CPS1: variants seen among roughly 807,000 people sequenced by gnomAD.
CPS1 encodes carbamoyl-phosphate synthase 1, also known as carbamoyl-phosphate synthase [ammonia], mitochondrial.
A neutral mutation model predicts 174.6 loss-of-function variants in CPS1; 109 were observed. The observed-to-expected ratio is 0.62, with a 90% CI of 0.53 to 0.73. CPS1 has a LOEUF of 0.73. Ranked by LOEUF, CPS1 falls within the 30% of genes least tolerant of loss-of-function variation. CPS1 has a pLI of 0.00. For synonymous variants in CPS1, 637 were observed against 632.0 expected, an observed-to-expected ratio of 1.01 and a Z score of -0.12; for missense variants, 1,689 against 1,821.9, an observed-to-expected ratio of 0.93 and a Z score of 1.33.
chr2:210,535,527 A>G (rs1476724812), intron 1 of CPS1, among the ~76,000 whole-genome samples: 1 of 152,150 alleles, frequency 6.6e-6, no homozygotes, highest in Non-Finnish European at 1.5e-5. Flanking sequence ...CCTTTTCACA[A>G]TAATACCAGA....
At chr2:210,508,266 T>A (rs1695345733) in intron 1 of CPS1, among the ~76,000 whole-genome samples, 1 of 151,818 alleles carries the variant, frequency 6.6e-6, no homozygotes, top group African/African-American at 2.4e-5. Context: ...AACAACCTGC[T>A]CCTGAGTGAC....
chr2:210,625,986 T>C (rs1235457715), intron 21 of CPS1, among the ~76,000 whole-genome samples: 1 of 152,128 alleles, frequency 6.6e-6, no homozygotes, highest in African/African-American at 2.4e-5. Context: ...CCACACAGTC[T>C]TACTTCATTG....
intron 1 of CPS1, among the ~76,000 whole-genome samples, chr2:210,526,976 T>C (rs542587429): frequency 2.4e-4 from 37 of 152,026 alleles, no homozygotes; most frequent in African/African-American, 7.2e-4. Flanking sequence ...TGCAGAAATA[T>C]TACGTTGGTG....
At chr2:210,494,945 T>C (rs1475251755) in intron 1 of CPS1, among the ~76,000 whole-genome samples, 1 of 152,136 alleles carries the variant, frequency 6.6e-6, no homozygotes, top group African/African-American at 2.4e-5. Context: ...GGCTGCACAT[T>C]ATAATAACCT....
intron 21 of CPS1, among the ~76,000 whole-genome samples, chr2:210,632,148 T>TA (rs1361551697): frequency 6.6e-6 from 1 of 152,206 alleles, no homozygotes; most frequent in African/African-American, 2.4e-5. Flanking sequence ...AAAAATGTTA[T>TA]AGCCTTGTTT....
intron 1 of CPS1, among the ~76,000 whole-genome samples, chr2:210,477,985 A>G (rs1355271425): frequency 4.6e-5 from 7 of 152,214 alleles, no homozygotes. Flanking sequence ...GTATGCCTCT[A>G]TCTTATTTTA....
At chr2:210,497,642 G>A (rs947313820) in intron 1 of CPS1, among the ~76,000 whole-genome samples, 1 of 151,932 alleles carries the variant, frequency 6.6e-6, no homozygotes, top group African/African-American at 2.4e-5. Flanking sequence ...AGAACATGCA[G>A]TATTTGGTGT....
chr2:210,513,539 T>G (rs1055652667), intron 1 of CPS1, among the ~76,000 whole-genome samples: 10 of 151,880 alleles, frequency 6.6e-5, no homozygotes, highest in Non-Finnish European at 1.5e-4. Flanking sequence ...TGGGGTTAAG[T>G]TGGTTTTTGC....
chr2:210,614,670 G>A (rs1699241527), intron 20 of CPS1, among the ~76,000 whole-genome samples: 1 of 151,924 alleles, frequency 6.6e-6, no homozygotes, highest in African/African-American at 2.4e-5. Context: ...GCTTTTAAAT[G>A]TGGCACATAT....
chr2:210,580,858 C>CAAAAAAAA (rs369186272), intron 5 of CPS1, among the ~76,000 whole-genome samples: 1 of 95,318 alleles, frequency 1.0e-5, no homozygotes, highest in African/African-American at 3.7e-5. Context: ...GACCCTGTCT[C>CAAAAAAAA]AAAAAAAAAA....
intron 1 of CPS1, among the ~76,000 whole-genome samples, chr2:210,505,630 C>T (rs1439315784): frequency 6.6e-6 from 1 of 152,178 alleles, no homozygotes; most frequent in African/African-American, 2.4e-5. Context: ...AGGGAATTCC[C>T]TTTCTTAGCC....
At chr2:210,525,684 G>A (rs1695952729) in intron 1 of CPS1, among the ~76,000 whole-genome samples, 3 of 151,468 alleles carry the variant, frequency 2.0e-5, no homozygotes, top group South Asian at 2.1e-4. Flanking sequence ...TGAGTCGTTT[G>A]GAGATGTCAT....
chr2:210,558,994 A>T (rs916878037), intron 1 of CPS1, among the ~76,000 whole-genome samples: 7 of 152,236 alleles, frequency 4.6e-5, no homozygotes, highest in Non-Finnish European at 1.0e-4. Context: ...GAACTTCACA[A>T]TAGTGAATTA....
At chr2:210,650,534 G>T in intron 28 of CPS1, 96 bp downstream of exon 28, 2 of 915,962 alleles carry the variant, frequency 2.2e-6, no homozygotes, top group Non-Finnish European at 3.6e-6. Context: ...ATCTCTTAAT[G>T]CAACCTTACT....
intron 16 of CPS1, 149 bp from the exon 17 acceptor site, chr2:210,604,953 C>T (rs1698853561): frequency 6.5e-6 from 5 of 764,612 alleles, no homozygotes; most frequent in Admixed American, 4.3e-5. Flanking sequence ...GATTTTCTGA[C>T]ACATTGTGCC....
rs1253024345 is a variant in CPS1, at chr2:210,537,841, C to A, written c.4-18878C>A. 2.6e-5 allele frequency among the ~76,000 whole-genome samples: 4 copies of A among 152,124 alleles called. No individual in the cohort carries two copies. The East Asian group carries it at 7.7e-4, about 29-fold the overall frequency. ...CTGTTTCCTCTTCCATACTACTCCC[C>A]AGTGCTACTAATATTTTAAGGCTAA... is the stretch of plus-strand genomic sequence containing the variant. On this transcript the variant is annotated intron_variant, in intron 1 of 38. Transcript: ENST00000430249.
chr2:210,645,330 CA>C (rs773683525), intron 25 of CPS1, among the ~76,000 whole-genome samples: 74 of 141,298 alleles, frequency 5.2e-4, no homozygotes, highest in Non-Finnish European at 6.8e-4. Flanking sequence ...TACTACTTTC[CA>C]AAAAAAAAAA....
At chr2:210,673,244 CG>C (rs1345347861) in intron 34 of CPS1, 2 of 152,168 alleles carry the variant, frequency 1.3e-5, no homozygotes, top group African/African-American at 2.4e-5. Flanking sequence ...ATTTTAAATA[CG>C]CCAGCTCAGT....
chr2:210,559,398 T>C (rs1697026613), intron 1 of CPS1, among the ~76,000 whole-genome samples: 1 of 152,174 alleles, frequency 6.6e-6, no homozygotes, highest in Admixed American at 6.6e-5. Context: ...ACGACAGCAA[T>C]GACGCACTTA....
Sources: allele counts gnomAD v4.1 joint callset (sites outside exome capture counted in the v4.1 genomes callset), GRCh38; gene constraint gnomAD v4.1.1; transcripts MANE v1.5; gene names NCBI Gene and HGNC (gene_info 2026-07-23, HGNC 2026-07-21).